Variants in RASGRP1 observed in about 807,000 individuals in gnomAD.
RASGRP1 encodes RAS guanyl releasing protein 1.
In RASGRP1, 37 loss-of-function variants were observed where a neutral mutation model predicts 95.1. That is an observed-to-expected ratio of 0.39 (90% confidence interval 0.30 to 0.51). The LOEUF (loss-of-function observed/expected upper bound fraction) is 0.51. Ranked by LOEUF, RASGRP1 falls within the 20% of genes least tolerant of loss-of-function variation. RASGRP1 has a pLI of 0.80. For missense variants in RASGRP1, 711 were observed against 965.4 expected, an observed-to-expected ratio of 0.74 and a Z score of 3.49; for synonymous variants, 325 against 353.4, an observed-to-expected ratio of 0.92 and a Z score of 0.90.
intron 14 of RASGRP1, 174 bp from the exon 15 acceptor site, chr15:38,499,120 A>T: frequency 3.5e-6 from 3 of 867,420 alleles, no homozygotes; most frequent in Non-Finnish European, 5.8e-6. Flanking sequence ...GGTGAAGCCC[A>T]GAGCTCACAC....
At chr15:38,509,829 A>G (rs1891427835) in intron 8 of RASGRP1, among the ~76,000 whole-genome samples, 2 of 152,140 alleles carry the variant, frequency 1.3e-5, no homozygotes, top group Admixed American at 1.3e-4. Context: ...AGGAGACAAA[A>G]CCTCAGATAA....
chr15:38,520,420 A>G (rs925495184), intron 3 of RASGRP1, among the ~76,000 whole-genome samples: 1 of 152,338 alleles, frequency 6.6e-6, no homozygotes, highest in African/African-American at 2.4e-5. Context: ...AAAGAAAAGC[A>G]AAAGAGAGTC....
At chr15:38,519,736 T>G (rs1253488276) in intron 3 of RASGRP1, among the ~76,000 whole-genome samples, 1 of 152,056 alleles carries the variant, frequency 6.6e-6, no homozygotes, top group Admixed American at 6.6e-5. Context: ...GCAGCCCCTA[T>G]GAAGGAAAAA....
intron 1 of RASGRP1, 74 bp from the exon 2 acceptor site, chr15:38,560,079 GA>G (rs776989755): frequency 3.3e-4 from 435 of 1,329,096 alleles, no homozygotes; most frequent in Non-Finnish European, 4.3e-4. Context: ...GAGAGGAAGG[GA>G]ATGGAGATAA....
chr15:38,542,168 G>A (rs1892891086), intron 2 of RASGRP1, among the ~76,000 whole-genome samples: 1 of 152,016 alleles, frequency 6.6e-6, no homozygotes, highest in Admixed American at 6.5e-5. Context: ...ATCCAGCTTG[G>A]GTGACACAGA....
At position 38,494,650 on chromosome 15, in the gene RASGRP1, A is replaced by G; in HGVS notation, c.1991T>C (p.Leu664Pro). 1 of 1,549,996 alleles carries G rather than the reference A, an allele frequency of 6.5e-7. No individual in the cohort carries two copies. The highest frequency in any genetic ancestry group is 8.7e-7 in the Non-Finnish European group (1 of 1,154,106). ...GVSSQKISLR[L>P]KRAVAHKATQ... ...GGCCTTGTGGGCAACAGCCCTCTTC[A>G]GCCGAAGAGAAATCTTCTGTGAGGA... is the stretch of plus-strand genomic sequence containing the variant. Residue 664 changes from leucine (L) to proline (P), a missense_variant, in exon 16 of 17, where the codon CTG (leucine) becomes CCG (proline). By Grantham distance (98) the Leu-to-Pro change is moderately conservative (BLOSUM62 -3). Around this residue, in one of 3 missense-constraint regions of RASGRP1, gnomAD observed 212 missense variants for 247.8 expected, o/e 0.86. Transcript: ENST00000310803.
At chr15:38,502,643 A>G (rs1891082116) in intron 11 of RASGRP1, among the ~76,000 whole-genome samples, 1 of 152,186 alleles carries the variant, frequency 6.6e-6, no homozygotes, top group Admixed American at 6.5e-5. Flanking sequence ...ACTTTGAATC[A>G]TTAGCACGTC....
chr15:38,516,373 G>C, intron 5 of RASGRP1, 23 bp from the exon 6 acceptor site: 1 of 1,598,804 alleles, frequency 6.3e-7, no homozygotes, highest in Non-Finnish European at 8.6e-7. Context: ...AATGTGAAAG[G>C]GAGAAGACAG....
At chr15:38,503,182 C>G (rs116704076) in intron 11 of RASGRP1, 90 bp downstream of exon 11, 1 of 1,045,062 alleles carries the variant, frequency 9.6e-7, no homozygotes, top group Non-Finnish European at 1.4e-6. Context: ...TTTACATTTC[C>G]ACCATTGTGC....
intron 10 of RASGRP1, chr15:38,503,770 G>C (rs1365953886): frequency 4.8e-6 from 1 of 210,396 alleles, no homozygotes; most frequent in Non-Finnish European, 9.4e-6. Context: ...TTAGCTAAAA[G>C]GCAGGAAGGC....
intron 2 of RASGRP1, among the ~76,000 whole-genome samples, chr15:38,546,086 G>C (rs1893092537): frequency 6.6e-6 from 1 of 152,146 alleles, no homozygotes. Context: ...CCTCTGGCAA[G>C]CTGCATTATT....
chr15:38,523,029 G>A (rs1250713503), intron 3 of RASGRP1, among the ~76,000 whole-genome samples: 1 of 152,160 alleles, frequency 6.6e-6, no homozygotes, highest in African/African-American at 2.4e-5. Flanking sequence ...TGGGAATGGA[G>A]AGCAGAGACC....
Position 38,507,964 on chromosome 15 carries a change from C to G in RASGRP1, c.1004G>C (p.Arg335Thr). Residue 335 changes from arginine (R) to threonine (T), a missense_variant, in exon 9 of 17, where the codon AGA (arginine) becomes ACA (threonine). Arg to Thr is a moderately conservative substitution (Grantham distance 71). This residue lies in a region of RASGRP1 where 491 missense variants were observed against 676.6 expected (regional missense o/e 0.73). Transcript: ENST00000310803. ...GEMTELLSSS[R>T]NYDNYRRAYG... is the part of the protein sequence containing the mutation. ...GGCTCGCCGGTAATTGTCGTAGTTTCTGGAGGAGGACAGCAGCTCAGTCAT... is the reference window on the plus strand; with the variant it reads ...GGCTCGCCGGTAATTGTCGTAGTTTGTGGAGGAGGACAGCAGCTCAGTCAT... The G allele has an allele frequency of 6.2e-7, 1 of 1,609,654 alleles. No individual in the cohort carries two copies.
chr15:38,544,906 G>GC (rs1893049967), intron 2 of RASGRP1, among the ~76,000 whole-genome samples: 4 of 152,200 alleles, frequency 2.6e-5, no homozygotes, highest in African/African-American at 9.6e-5. Context: ...AAAAATAGTT[G>GC]CTTCAGATAT....
At chr15:38,532,994 T>C (rs1183486294) in intron 2 of RASGRP1, among the ~76,000 whole-genome samples, 1 of 152,032 alleles carries the variant, frequency 6.6e-6, no homozygotes, top group Non-Finnish European at 1.5e-5. Flanking sequence ...GGGGATGAGA[T>C]GGAAATGCCT....
intron 2 of RASGRP1, among the ~76,000 whole-genome samples, chr15:38,542,030 T>G (rs1406368194): frequency 6.6e-6 from 1 of 152,072 alleles, no homozygotes; most frequent in East Asian, 1.9e-4. Flanking sequence ...CCAACAAAAC[T>G]AAGGCTGGGC....
chr15:38,505,522 C>A (rs1385245307), intron 10 of RASGRP1, among the ~76,000 whole-genome samples: 1 of 152,166 alleles, frequency 6.6e-6, no homozygotes, highest in Non-Finnish European at 1.5e-5. Flanking sequence ...ATAGTATCTT[C>A]CTTCTCTACT....
intron 3 of RASGRP1, among the ~76,000 whole-genome samples, chr15:38,522,015 A>G (rs2141132909): frequency 6.6e-6 from 1 of 152,320 alleles, no homozygotes; most frequent in Admixed American, 6.5e-5. Flanking sequence ...AAGCCCAGAT[A>G]TCACAGGTAA....
intron 3 of RASGRP1, 96 bp downstream of exon 3, chr15:38,526,203 T>C (rs1026151401): frequency 1.1e-5 from 11 of 993,906 alleles, no homozygotes; most frequent in Middle Eastern, 2.1e-4. Flanking sequence ...CTCAGGGTTA[T>C]TCCAAACCAA....
Sources: gnomAD v4.1 joint callset for allele counts (sites outside exome capture counted in the v4.1 genomes callset) on GRCh38, gnomAD v4.1.1 for gene constraint, gnomAD v4.1.1 regional missense constraint, MANE v1.5 for transcripts, NCBI Gene and HGNC (gene_info 2026-07-23, HGNC 2026-07-21) for gene names.